Variants in MYO19 observed in about 807,000 individuals in gnomAD.
MYO19 encodes unconventional myosin-XIX.
Under a neutral mutation model 129.2 loss-of-function variants are expected in MYO19, and 132 were observed. That is an observed-to-expected ratio of 1.02 (90% CI 0.89 to 1.18). MYO19 has a LOEUF of 1.18. Among genes scored for constraint, MYO19 ranks in the 50% most tolerant of loss-of-function variants. MYO19 has a pLI of 0.00. For missense variants in MYO19, 1,210 were observed against 1,216.7 expected, an observed-to-expected ratio of 0.99 and a Z score of 0.08; for synonymous variants, 531 against 477.2, an observed-to-expected ratio of 1.11 and a Z score of -1.47.
Position 36,509,136 on chromosome 17 carries a change from C to T in MYO19, c.1158-1G>A, listed in dbSNP as rs1256692762. The T allele has an allele frequency of 1.2e-6, 2 of 1,613,700 alleles. No homozygotes were observed. The highest frequency in any genetic ancestry group is 4.5e-5 in the East Asian group (2 of 44,854). On this transcript the variant is annotated splice_acceptor_variant, in intron 13 of 25. Transcript: ENST00000614623. LOFTEE classifies it high-confidence loss of function. ...CACTGATACCAGCCAGTCAAACAAC[C>T]TGTTGGGGGAAGAGAGTGGACTCTG...
intron 17 of MYO19, 92 bp downstream of exon 17, chr17:36,506,871 A>T (rs1196816407): frequency 7.2e-7 from 1 of 1,390,760 alleles, no homozygotes; most frequent in Non-Finnish European, 9.5e-7. Context: ...TCAGGAGAGA[A>T]AGGACTCACG....
intron 6 of MYO19, among the ~76,000 whole-genome samples, chr17:36,517,239 G>C (rs957515259): frequency 6.6e-6 from 1 of 152,010 alleles, no homozygotes. Context: ...TTATAAGTCT[G>C]ACTGGAGAGT....
chr17:36,521,491 A>G (rs1276134176), intron 6 of MYO19, among the ~76,000 whole-genome samples: 1 of 152,206 alleles, frequency 6.6e-6, no homozygotes, highest in Non-Finnish European at 1.5e-5. Flanking sequence ...TACACAACTA[A>G]CCAAATTTCC....
At chr17:36,510,688 G>A (rs965893590) in intron 13 of MYO19, 58 bp downstream of exon 13, 39 of 1,514,776 alleles carry the variant, frequency 2.6e-5, no homozygotes, top group African/African-American at 4.1e-5. Flanking sequence ...GCCCAACCCC[G>A]GACAGGAAGA....
At position 36,506,470 on chromosome 17, in the gene MYO19, C is replaced by A; in HGVS notation, c.1783G>T (p.Val595Leu). 1 of 1,613,904 alleles carries A rather than the reference C, an allele frequency of 6.2e-7. No homozygotes were observed. Among genetic ancestry groups the A allele is most frequent in the Non-Finnish European group, 8.5e-7 (1 of 1,179,844 alleles). ...GQSRAPVLTV[V>L]SKFKASLEQL... ...ATCAGACCCACCTTGAACTTGGACACCACGGTCAACACAGGGGCCCTGCTC... is the reference window on the plus strand; with the variant it reads ...ATCAGACCCACCTTGAACTTGGACAACACGGTCAACACAGGGGCCCTGCTC... Residue 595 changes from valine to leucine, a missense_variant, in exon 18 of 26, where the codon GTG becomes TTG. By Grantham distance (32) the Val-to-Leu change is conservative. Coordinates refer to ENST00000614623, the MANE Select transcript of MYO19 (RefSeq NM_001163735.2).
intron 13 of MYO19, chr17:36,509,745 T>C (rs2072185701): frequency 6.5e-6 from 1 of 152,802 alleles, no homozygotes; most frequent in Non-Finnish European, 1.5e-5. Flanking sequence ...CTCTGCAACT[T>C]TTTTCCCTTC....
chr17:36,498,226 C>G, intron 25 of MYO19, 40 bp downstream of exon 25: 1 of 1,582,828 alleles, frequency 6.3e-7, no homozygotes, highest in South Asian at 1.1e-5. Context: ...TCCTGCTGTT[C>G]TCAGGAACAA....
chr17:36,529,798 A>G (rs1180575677), intron 3 of MYO19, among the ~76,000 whole-genome samples: 2 of 152,212 alleles, frequency 1.3e-5, no homozygotes, highest in Non-Finnish European at 2.9e-5. Context: ...ATCTGAGTAT[A>G]GTGATCAAGT....
chr17:36,521,212 T>C (rs138406602), intron 6 of MYO19, among the ~76,000 whole-genome samples: 324 of 152,276 alleles, frequency 2.1e-3, no homozygotes, highest in African/African-American at 7.6e-3. Context: ...TGAGGCCCCA[T>C]TGGTTGACAA....
Position 36,503,272 on chromosome 17 carries a change from A to G in MYO19, c.1977-72T>C, listed in dbSNP as rs375743523. On this transcript the variant is annotated intron_variant, in intron 20 of 25. Transcript: ENST00000614623. ...CCAGGTTAACGGTTCAGGGCTCATC[A>G]GAAGTTATTCTATTTAATCTGCTCA... 4.1e-4 allele frequency: 499 copies of G among 1,228,186 alleles called. 2 individuals carry two copies. The South Asian group carries it at 5.8e-3, about 14-fold the overall frequency. The allele number at this position is 1,228,186 out of a possible 1,614,324, so 76.1% of individuals were successfully genotyped here.
At chr17:36,523,011 A>AC (rs2073238089) in intron 6 of MYO19, among the ~76,000 whole-genome samples, 1 of 146,866 alleles carries the variant, frequency 6.8e-6, no homozygotes, top group African/African-American at 2.6e-5. Context: ...GTCTCAAAAA[A>AC]AAAAACAAAA....
upstream of MYO19, chr17:36,537,791 A>G: frequency 6.2e-7 from 1 of 1,614,156 alleles, no homozygotes; most frequent in Non-Finnish European, 8.5e-7. Context: ...AACATTTAAC[A>G]GAGTATGGAG....
At chr17:36,538,197 C>T (rs747591955), upstream of MYO19, 35 of 1,613,250 alleles carry the variant, frequency 2.2e-5, no homozygotes, top group South Asian at 3.3e-5. Flanking sequence ...AGCAGTATCT[C>T]GAAGAATGGC....
chr17:36,537,410 C>G (rs537323347), upstream of MYO19: 83 of 1,614,050 alleles, frequency 5.1e-5, 3 homozygotes, highest in South Asian at 9.1e-4. Context: ...GGAGGACCTG[C>G]TATGCCAGAC....
chr17:36,497,652 T>C, intron 25 of MYO19: 2 of 544,820 alleles, frequency 3.7e-6, no homozygotes, highest in Non-Finnish European at 4.7e-6. Context: ...CGGCGCAATC[T>C]CGGCTCACTG....
rs916507567 is a variant in MYO19 at position 36,496,389 on chromosome 17, G to A, written c.2775C>T (p.His925=). The A allele has an allele frequency of 3.7e-6, 6 of 1,613,870 alleles. No homozygotes were observed. Among genetic ancestry groups the A allele is most frequent in the Non-Finnish European group, 5.1e-6 (6 of 1,179,888 alleles). ...RALPQGSIKF[H]CRKSPLRYAD... ...CATACCGCAGTGGAGACTTTCTGCA[G>A]TGAAACTTTATCGATCCCTAGAGGG... is the stretch of plus-strand genomic sequence containing the variant. The change falls in exon 26 of 26, where the codon CAC becomes CAT. Residue 925 remains histidine, a synonymous_variant. Coordinates refer to ENST00000614623, the MANE Select transcript of MYO19 (RefSeq NM_001163735.2).
At chr17:36,507,249 A>T in intron 16 of MYO19, 110 bp from the exon 17 acceptor site, 1 of 1,482,552 alleles carries the variant, frequency 6.7e-7, no homozygotes, top group East Asian at 2.3e-5. Flanking sequence ...CAGGCATCAT[A>T]GTGTCCCCAA....
intron 22 of MYO19, 33 bp downstream of exon 22, chr17:36,501,036 C>G: frequency 6.2e-7 from 1 of 1,602,842 alleles, no homozygotes. Context: ...CACAGCTTGC[C>G]TCTGTAACCT....
In MYO19 at chr17:36,522,099, A is replaced by C. The variant is rs547056198; in HGVS notation, c.414+3129T>G. 2.6e-5 allele frequency among the ~76,000 whole-genome samples: 4 copies of C among 152,212 alleles called. No homozygotes were observed. In the East Asian group the frequency reaches 7.7e-4, roughly 29 times the overall value. ...AGTCTCTATATTCAGAAAGAAAATT[A>C]TTTCTAACCTGGAATTATAAAACCC... On this transcript the variant is annotated intron_variant, in intron 6 of 25. Transcript: ENST00000614623.
Sources: allele counts gnomAD v4.1 joint callset (sites outside exome capture counted in the v4.1 genomes callset), GRCh38; gene constraint gnomAD v4.1.1; transcripts MANE v1.5; gene names NCBI Gene and HGNC (gene_info 2026-07-23, HGNC 2026-07-21).